PFKP: variants seen among roughly 807,000 people sequenced by gnomAD.
The protein encoded by PFKP is ATP-dependent 6-phosphofructokinase, platelet type.
Under a neutral mutation model 94.3 loss-of-function variants are expected in PFKP, and 101 were observed. The ratio of observed to expected loss-of-function variants is 1.07; its 90% CI spans 0.91 to 1.26. The LOEUF is 1.26. Among genes scored for constraint, PFKP ranks in the 50% most tolerant of loss-of-function variants. PFKP has a pLI of 0.00. For synonymous variants in PFKP, 573 were observed against 432.6 expected (o/e 1.32, Z -4.03); for missense variants, 1,145 against 1,103.3 (o/e 1.04, Z -0.53).
chr10:3,071,456 CTTCTT>C (rs1265259353), intron 1 of PFKP, among the ~76,000 whole-genome samples: 2 of 79,592 alleles, frequency 2.5e-5, no homozygotes, highest in African/African-American at 5.7e-5. Flanking sequence ...TTTTCTTTCT[CTTCTT>C]CTGCCTCTTT....
intron 2 of PFKP, among the ~76,000 whole-genome samples, chr10:3,091,900 C>T (rs893061191): frequency 6.6e-6 from 1 of 152,074 alleles, no homozygotes; most frequent in Admixed American, 6.5e-5. Flanking sequence ...TAGTCCACAC[C>T]CTAAAGAAAG....
intron 13 of PFKP, among the ~76,000 whole-genome samples, chr10:3,115,447 C>T (rs148653889): frequency 0.22 from 887 of 4,012 alleles, 126 homozygotes; most frequent in African/African-American, 0.31. Flanking sequence ...CTGGGGATGC[C>T]GGGGTGAAGG....
intron 1 of PFKP, among the ~76,000 whole-genome samples, chr10:3,077,418 T>C (rs888506197): frequency 8.6e-5 from 13 of 151,422 alleles, no homozygotes; most frequent in African/African-American, 1.2e-4. Flanking sequence ...CTCACCACCA[T>C]GCCCGGCTAA....
chr10:3,101,866 C>T (rs906526662), intron 4 of PFKP, among the ~76,000 whole-genome samples: 8 of 152,190 alleles, frequency 5.3e-5, no homozygotes, highest in African/African-American at 1.4e-4. Flanking sequence ...GCCACTCAGC[C>T]GTGGGGCGAG....
At position 3,100,056 on chromosome 10, in the gene PFKP, GGTGTGT is replaced by G. The variant is rs55739223; in HGVS notation, c.264+728_264+733del. ...GGTGTCCTTGTATGTGTAGGTGTGT[GGTGTGT>G]GTGTGTGTGTGTGTGTGTGTGTGAA... is the stretch of plus-strand genomic sequence containing the variant. On this transcript the variant is annotated intron_variant, in intron 3 of 21. Coordinates refer to ENST00000381125, the MANE Select transcript of PFKP (RefSeq NM_002627.5). 3.8e-4 allele frequency among the ~76,000 whole-genome samples: 52 copies of G among 137,802 alleles called. No individual in the cohort carries two copies. In the East Asian group the frequency reaches 4.8e-3, roughly 13 times the overall value. 90.4% of individuals were successfully genotyped at this position (137,802 alleles called of 152,430 possible).
intron 2 of PFKP, among the ~76,000 whole-genome samples, chr10:3,087,919 T>C (rs1463882779): frequency 1.3e-5 from 2 of 151,980 alleles, no homozygotes; most frequent in Admixed American, 6.5e-5. Context: ...TAGCAATAAA[T>C]GTTGAATCCA....
intron 4 of PFKP, 91 bp downstream of exon 4, chr10:3,101,645 G>A: frequency 1.1e-6 from 1 of 892,328 alleles, no homozygotes; most frequent in Non-Finnish European, 1.7e-6. Context: ...TGTGGCAGAA[G>A]TACCTCTTCT....
At chr10:3,134,625 C>A in intron 20 of PFKP, 43 bp downstream of exon 20, 2 of 1,268,342 alleles carry the variant, frequency 1.6e-6, no homozygotes, top group Non-Finnish European at 2.3e-6. Flanking sequence ...GTGATGCAGG[C>A]CGTCCTGCCT....
intron 18 of PFKP, among the ~76,000 whole-genome samples, chr10:3,132,761 G>A (rs1459587671): frequency 6.6e-6 from 1 of 152,194 alleles, no homozygotes; most frequent in Admixed American, 6.5e-5. Flanking sequence ...CAAGACTGCA[G>A]TGGGTGTCTG....
intron 18 of PFKP, among the ~76,000 whole-genome samples, chr10:3,132,707 A>G (rs148941264): frequency 2.9e-3 from 432 of 150,602 alleles, no homozygotes; most frequent in African/African-American, 9.5e-3. Context: ...TTATGAAGAA[A>G]GAAGGAAATA....
chr10:3,092,494 T>C (rs992720197), intron 2 of PFKP, among the ~76,000 whole-genome samples: 18 of 146,536 alleles, frequency 1.2e-4, no homozygotes, highest in Admixed American at 8.0e-4. Flanking sequence ...AACAGCGTAT[T>C]ATATTAATGT....
At chr10:3,106,351 C>T (rs1314683566) in intron 7 of PFKP, among the ~76,000 whole-genome samples, 11 of 18,628 alleles carry the variant, frequency 5.9e-4, no homozygotes, top group African/African-American at 2.8e-3. Context: ...ATGGCGTGCA[C>T]GGGGCGCCTG....
chr10:3,105,516 G>A lies in PFKP; in HGVS notation c.774+15G>A, dbSNP rs376072035. The stretch of plus-strand genomic sequence containing the variant: ...AACTCTCGGAGGTAATGCGGGTCCC[G>A]TGGCCGTTGATAGCGGGCGATGCTG... On this transcript the variant is annotated intron_variant, in intron 7 of 21. Transcript: ENST00000381125. The A allele has an allele frequency of 2.5e-5, 39 of 1,556,224 alleles. No individual in the cohort carries two copies. Among genetic ancestry groups the A allele is most frequent in the East Asian group, 1.3e-4 (6 of 44,574 alleles).
intron 2 of PFKP, among the ~76,000 whole-genome samples, chr10:3,098,980 G>A (rs569555642): frequency 3.3e-5 from 5 of 152,272 alleles, no homozygotes; most frequent in East Asian, 1.9e-4. Context: ...AACCTCTAGC[G>A]AAACACGACC....
rs543654460 is a variant in PFKP at position 3,113,128 on chromosome 10, G to A, written c.1164G>A (p.Ala388=). Residue 388 remains alanine, a synonymous_variant, in exon 12 of 22, where the codon GCG becomes GCA. Transcript: ENST00000381125. ...CACCCTTTTCCTTTAGGAGCTTTGC[G>A]GGCAACCTGAACACCTACAAGCGAC... ...DAVRLRGRSF[A]GNLNTYKRLA... 17 of 1,612,768 alleles carry A rather than the reference G, an allele frequency of 1.1e-5. No homozygotes were observed. In the East Asian group the frequency reaches 1.1e-4, roughly 11 times the overall value.
intron 16 of PFKP, among the ~76,000 whole-genome samples, chr10:3,126,213 C>T (rs1025673590): frequency 2.5e-4 from 38 of 152,210 alleles, no homozygotes; most frequent in Non-Finnish European, 5.4e-4. Context: ...GCAGAGGAGC[C>T]ATGAGGTCGG....
At chr10:3,120,106 C>G (rs1434466851) in intron 16 of PFKP, 62 bp downstream of exon 16, 1 of 1,409,528 alleles carries the variant, frequency 7.1e-7, no homozygotes, top group African/African-American at 1.4e-5. Context: ...GGCCCCGGCC[C>G]TTTTTATCTA....
In PFKP at chr10:3,113,026, G is replaced by A. The variant is rs557073458; in HGVS notation, c.1155-93G>A. On this transcript the variant is annotated intron_variant, in intron 11 of 21. Transcript: ENST00000381125. ...GCCCAGATAGTCGGGCAGACACATT[G>A]AGTGCTGGCAGATAAGCCACCTTTT... 5 of 1,106,258 alleles carry A rather than the reference G, an allele frequency of 4.5e-6. 1 individual carries two copies. The highest frequency in any genetic ancestry group is 3.1e-5 in the African/African-American group (2 of 64,994). 68.5% of individuals were successfully genotyped at this position (1,106,258 alleles called of 1,614,324 possible). A position where few individuals can be genotyped will look rare whatever the true frequency, so the allele number is the denominator to read the frequency against.
intron 2 of PFKP, among the ~76,000 whole-genome samples, chr10:3,095,770 A>G (rs755116168): frequency 1.9e-4 from 29 of 152,334 alleles, no homozygotes; most frequent in Admixed American, 1.3e-4. Flanking sequence ...AGTCTTCCTA[A>G]TTTAGTAATA....
Sources: allele counts gnomAD v4.1 joint callset (sites outside exome capture counted in the v4.1 genomes callset), GRCh38; gene constraint gnomAD v4.1.1; transcripts MANE v1.5; gene names NCBI Gene and HGNC (gene_info 2026-07-23, HGNC 2026-07-21).